The following RGS6 variants were observed in gnomAD, a reference collection of about 807,000 sequenced individuals.
RGS6 encodes regulator of G protein signaling 6.
A neutral mutation model predicts 78.5 loss-of-function variants in RGS6; 30 were observed. That is an observed-to-expected ratio of 0.38 (90% CI 0.29 to 0.52). The LOEUF is 0.52. Among genes scored for constraint, RGS6 ranks in the 20% least tolerant of loss-of-function variants. The pLI is 0.85. For missense variants in RGS6, 495 were observed against 609.7 expected, an observed-to-expected ratio of 0.81 and a Z score of 1.98; for synonymous variants, 206 against 206.0, an observed-to-expected ratio of 1.00 and a Z score of 0.00.
At chr14:72,295,387 G>A (rs2064588468) in intron 2 of RGS6, among the ~76,000 whole-genome samples, 1 of 152,062 alleles carries the variant, frequency 6.6e-6, no homozygotes, top group Admixed American at 6.6e-5. Context: ...TGGTGCAGCT[G>A]GAGAGGAAAG....
At chr14:72,159,689 C>T (rs559666917) in intron 2 of RGS6, among the ~76,000 whole-genome samples, 10 of 152,256 alleles carry the variant, frequency 6.6e-5, no homozygotes, top group African/African-American at 2.4e-4. Flanking sequence ...CACATATGGC[C>T]TGTGATTTTT....
rs1596471291 is a variant in RGS6, at chr14:72,380,228, CAT to C, written c.184+28036_184+28037del. Reference sequence around the variant, plus strand: ...AAAATATAAAACTAGTACAAGAAAACATAGGAGAAATGCTTCAGGACATTGGC... The same window carrying C: ...AAAATATAAAACTAGTACAAGAAAACAGGAGAAATGCTTCAGGACATTGGC... On this transcript the variant is annotated intron_variant, in intron 3 of 17. Transcript: ENST00000553525. 2.6e-5 allele frequency among the ~76,000 whole-genome samples: 4 copies of C among 152,028 alleles called. No homozygotes were observed. In the East Asian group the frequency reaches 7.7e-4, roughly 29 times the overall value.
At chr14:72,357,891 A>G (rs972016915) in intron 3 of RGS6, among the ~76,000 whole-genome samples, 1 of 152,080 alleles carries the variant, frequency 6.6e-6, no homozygotes, top group African/African-American at 2.4e-5. Context: ...TCAAGGCAGC[A>G]CCTCCCACCA....
the RGS6 span, among the ~76,000 whole-genome samples, chr14:72,598,042 C>A: frequency 6.6e-6 from 1 of 152,224 alleles, no homozygotes. Context: ...ACAAAAATCC[C>A]CAGTGCACAG....
intron 1 of RGS6, among the ~76,000 whole-genome samples, chr14:71,936,736 G>A (rs1429729736): frequency 1.3e-5 from 2 of 152,106 alleles, no homozygotes; most frequent in African/African-American, 4.8e-5. Flanking sequence ...CATGATAAAG[G>A]AAAAGGAAAT....
chr14:72,351,631 T>A (rs1459023838), intron 2 of RGS6, among the ~76,000 whole-genome samples: 4 of 152,214 alleles, frequency 2.6e-5, no homozygotes, highest in African/African-American at 7.2e-5. Context: ...GGTAGCCCTG[T>A]CTGCAATTCC....
At chr14:72,160,615 G>A (rs1203156689) in intron 2 of RGS6, among the ~76,000 whole-genome samples, 2 of 152,210 alleles carry the variant, frequency 1.3e-5, no homozygotes, top group Admixed American at 1.3e-4. Context: ...AAGTGAAAAT[G>A]AGGCCTTTGG....
At chr14:72,096,963 G>T (rs2095421761) in intron 2 of RGS6, among the ~76,000 whole-genome samples, 4 of 152,160 alleles carry the variant, frequency 2.6e-5, no homozygotes. Context: ...GAGAAGCAAA[G>T]GGTGAGGATA....
intron 3 of RGS6, among the ~76,000 whole-genome samples, chr14:72,437,285 G>A (rs1475702717): frequency 6.9e-6 from 1 of 144,448 alleles, no homozygotes; most frequent in African/African-American, 2.5e-5. Context: ...GGGTTGCAGT[G>A]AGCCGAGATC....
rs146818665 is a variant in RGS6, at chr14:72,513,339, C to T, written c.1091+3060C>T. ...TCTATGATGATGTAATAGAAGTTGA[C>T]ATCCCCTTTGATCAGTGTCTTCTGG... is the stretch of plus-strand genomic sequence containing the variant. On this transcript the variant is annotated intron_variant, in intron 14 of 17. Coordinates refer to ENST00000553525, the MANE Select transcript of RGS6 (RefSeq NM_001204424.2). Among the ~76,000 whole-genome samples the T allele has an allele frequency of 1.4e-3, 206 of 152,242 alleles. 2 individuals are homozygous for T. Among genetic ancestry groups the T allele is most frequent in the Non-Finnish European group, 1.1e-3 (74 of 68,012 alleles).
rs190660477 is a variant in RGS6 at position 72,402,343 on chromosome 14, G to A, written c.184+50149G>A. The stretch of plus-strand genomic sequence containing the variant: ...TATGGTAGTTGATGTTGAGAAGGCA[G>A]ATGAAGTAAAAGCAACTTCGCATAT... On this transcript the variant is annotated intron_variant, in intron 3 of 17. Transcript: ENST00000553525. 3.7e-4 allele frequency among the ~76,000 whole-genome samples: 56 copies of A among 152,288 alleles called. No homozygotes were observed. In the East Asian group the frequency reaches 8.1e-3, roughly 22 times the overall value.
At chr14:72,314,407 G>C (rs2069499794) in intron 2 of RGS6, among the ~76,000 whole-genome samples, 1 of 152,122 alleles carries the variant, frequency 6.6e-6, no homozygotes, top group African/African-American at 2.4e-5. Flanking sequence ...GTCTTTTCTT[G>C]GGAAAGTTAC....
intron 3 of RGS6, among the ~76,000 whole-genome samples, chr14:72,358,534 A>T (rs1202174229): frequency 6.6e-6 from 1 of 152,266 alleles, no homozygotes; most frequent in African/African-American, 2.4e-5. Flanking sequence ...AGATTATTTC[A>T]TAACTTTAAG....
the RGS6 span, among the ~76,000 whole-genome samples, chr14:72,607,793 C>G: frequency 6.6e-6 from 1 of 152,184 alleles, no homozygotes; most frequent in African/African-American, 2.4e-5. Context: ...CCCCTCTGGT[C>G]CCTGAATGCG....
chr14:72,411,699 G>C (rs1328798877), intron 3 of RGS6, among the ~76,000 whole-genome samples: 1 of 152,130 alleles, frequency 6.6e-6, no homozygotes, highest in Non-Finnish European at 1.5e-5. Context: ...TATTGGCTGT[G>C]GGTTTGTCAT....
intron 6 of RGS6, 120 bp from the exon 7 acceptor site, chr14:72,465,638 A>ATGGG (rs1401294204): frequency 1.5e-6 from 1 of 663,614 alleles, no homozygotes; most frequent in Non-Finnish European, 2.7e-6. Context: ...GGATGGATGG[A>ATGGG]TGGATGGATG....
intron 2 of RGS6, among the ~76,000 whole-genome samples, chr14:72,227,889 A>G (rs1428657987): frequency 6.6e-6 from 1 of 152,174 alleles, no homozygotes; most frequent in East Asian, 1.9e-4. Flanking sequence ...GGAGGGGGGA[A>G]GAGCAATTTA....
At chr14:72,536,759 A>G (rs1190768163) in intron 16 of RGS6, among the ~76,000 whole-genome samples, 2 of 152,120 alleles carry the variant, frequency 1.3e-5, no homozygotes, top group Non-Finnish European at 2.9e-5. Context: ...TCAAGAGCAC[A>G]ATCAGGTACC....
chr14:72,118,400 C>T (rs1016858120), intron 2 of RGS6, among the ~76,000 whole-genome samples: 5 of 152,110 alleles, frequency 3.3e-5, no homozygotes, highest in Non-Finnish European at 4.4e-5. Context: ...TCTTTACTGG[C>T]GTTATGTCCA....
Sources: gnomAD v4.1 joint callset for allele counts (sites outside exome capture counted in the v4.1 genomes callset) on GRCh38, gnomAD v4.1.1 for gene constraint, MANE v1.5 for transcripts, NCBI Gene and HGNC (gene_info 2026-07-23, HGNC 2026-07-21) for gene names.